SMC4: variants seen among roughly 807,000 people sequenced by gnomAD.
The protein encoded by SMC4 is structural maintenance of chromosomes protein 4.
In SMC4, 87 loss-of-function variants were observed where a neutral mutation model predicts 145.6. The ratio of observed to expected loss-of-function variants is 0.60; its 90% CI spans 0.50 to 0.71. The LOEUF (loss-of-function observed/expected upper bound fraction) is 0.71, where lower values mean the gene tolerates loss of function less well. Among genes scored for constraint, SMC4 ranks in the 30% least tolerant of loss-of-function variants. The probability of loss-of-function intolerance (pLI) is 0.00; values close to 1 mark genes in which losing one functional copy is unlikely to be tolerated. For missense variants in SMC4, 1,447 were observed against 1,537.1 expected (o/e 0.94, Z 0.98); for synonymous variants, 558 against 500.7 (o/e 1.11, Z -1.53).
Position 160,423,724 on chromosome 3 carries a change from A to T in SMC4, c.2246-37A>T, listed in dbSNP as rs367853626. On this transcript the variant is annotated intron_variant, in intron 14 of 23. Transcript: ENST00000357388. ...TTGACTTTATTTAATCTTGTTGGGG[A>T]GACATCTGAAGCTGACTTCTCTCCC... is the stretch of plus-strand genomic sequence containing the variant. The T allele has an allele frequency of 1.4e-5, 23 of 1,602,746 alleles. No individual in the cohort carries two copies. In the East Asian group the frequency reaches 5.1e-4, roughly 36 times the overall value.
chr3:160,430,535 A>T, intron 18 of SMC4, 64 bp from the exon 19 acceptor site: 1 of 1,344,166 alleles, frequency 7.4e-7, no homozygotes, highest in Non-Finnish European at 1.0e-6. Flanking sequence ...GTTCTTTAGT[A>T]GGTTTTCAGA....
chr3:160,426,508 T>G (rs1717809233), intron 17 of SMC4, among the ~76,000 whole-genome samples: 1 of 152,216 alleles, frequency 6.6e-6, no homozygotes, highest in Non-Finnish European at 1.5e-5. Context: ...AAGATAGTGG[T>G]TATAGATTTA....
At chr3:160,428,711 A>G (rs931540539) in intron 17 of SMC4, 42 bp from the exon 18 acceptor site, 13 of 1,524,174 alleles carry the variant, frequency 8.5e-6, no homozygotes, top group Non-Finnish European at 1.1e-5. Context: ...GATGTTCATT[A>G]GCATAAAAAC....
Position 160,417,928 on chromosome 3 carries a change from T to G in SMC4, c.1643T>G (p.Leu548Arg). The G allele has an allele frequency of 6.2e-7, 1 of 1,611,814 alleles. No homozygotes were observed. The highest frequency in any genetic ancestry group is 8.5e-7 in the Non-Finnish European group (1 of 1,179,154). Residue 548 changes from leucine to arginine, a missense_variant, in exon 11 of 24, where the codon CTC (leucine) becomes CGC (arginine). Transcript: ENST00000357388. ...GCAATCAGAGATATAGAAGGAAAAC[T>G]CCCTCAAACTGAACAAGAATTAAAG... ...KAAIRDIEGK[L>R]PQTEQELKEK...
In SMC4 at chr3:160,433,477, TA is replaced by T. The variant is rs1302640866; in HGVS notation, c.3715-179del. The T allele has an allele frequency of 2.7e-5, 15 of 553,780 alleles. No homozygotes were observed. The Admixed American group carries it at 3.3e-4, about 12-fold the overall frequency. The allele number at this position is 553,780 out of a possible 1,614,324, so 34.3% of individuals were successfully genotyped here. ...GGTCATCTTCCTAGATCTTTTCCACTAGAAGTCAAAATAACCAAATTCCTTT... is the reference window on the plus strand; with the variant it reads ...GGTCATCTTCCTAGATCTTTTCCACTGAAGTCAAAATAACCAAATTCCTTT... On this transcript the variant is annotated intron_variant, in intron 23 of 23. Coordinates refer to ENST00000357388, the MANE Select transcript of SMC4 (RefSeq NM_001002800.3).
chr3:160,422,242 G>A (rs1384484056), intron 13 of SMC4, among the ~76,000 whole-genome samples: 1 of 152,230 alleles, frequency 6.6e-6, no homozygotes, highest in Non-Finnish European at 1.5e-5. Flanking sequence ...GCTGGGTCAT[G>A]TGGTAATTCT....
chr3:160,410,751 C>G (rs1715896348), intron 5 of SMC4, among the ~76,000 whole-genome samples: 1 of 152,082 alleles, frequency 6.6e-6, no homozygotes, highest in Non-Finnish European at 1.5e-5. Context: ...TATGTTGAGG[C>G]TTTTGGTGAA....
chr3:160,412,610 C>A, intron 7 of SMC4, 157 bp downstream of exon 7: 1 of 1,256,788 alleles, frequency 8.0e-7, no homozygotes, highest in Non-Finnish European at 1.0e-6. Context: ...GCCTGTAATT[C>A]CAGCACTTTG....
chr3:160,406,202 A>G (rs933587095), intron 5 of SMC4, among the ~76,000 whole-genome samples: 5 of 152,178 alleles, frequency 3.3e-5, no homozygotes, highest in South Asian at 4.1e-4. Context: ...GATCTTTACA[A>G]TTGTTTAAAA....
At chr3:160,414,946 T>G (rs966980014) in intron 9 of SMC4, among the ~76,000 whole-genome samples, 41 of 152,226 alleles carry the variant, frequency 2.7e-4, no homozygotes, top group Admixed American at 1.3e-4. Flanking sequence ...TCCATTTTGG[T>G]GTTAATTTTA....
chr3:160,402,200 T>G, intron 3 of SMC4, 107 bp downstream of exon 3: 1 of 607,398 alleles, frequency 1.6e-6, no homozygotes, highest in Non-Finnish European at 2.7e-6. Context: ...ATTCATTCAC[T>G]CCCTATTTAT....
intron 5 of SMC4, among the ~76,000 whole-genome samples, chr3:160,404,989 A>G (rs1715160155): frequency 6.6e-6 from 1 of 151,982 alleles, no homozygotes; most frequent in Non-Finnish European, 1.5e-5. Flanking sequence ...TTGGTGTTTG[A>G]TTTACCTAAG....
intron 21 of SMC4, 105 bp downstream of exon 21, chr3:160,431,930 G>GA: frequency 8.3e-7 from 1 of 1,201,508 alleles, no homozygotes; most frequent in Non-Finnish European, 1.2e-6. Flanking sequence ...GGCCGGGCGT[G>GA]GTGGCTCACG....
intron 18 of SMC4, among the ~76,000 whole-genome samples, chr3:160,429,988 T>A (rs2108502521): frequency 6.6e-6 from 1 of 152,346 alleles, no homozygotes; most frequent in African/African-American, 2.4e-5. Flanking sequence ...GTGCTGGGAT[T>A]ACAGGCATGA....
Position 160,414,522 on chromosome 3 carries a change from G to A in SMC4, c.1272+5G>A, listed in dbSNP as rs777848908. 4 of 1,609,160 alleles carry A rather than the reference G, an allele frequency of 2.5e-6. No individual in the cohort carries two copies. The highest frequency in any genetic ancestry group is 1.7e-6 in the Non-Finnish European group (2 of 1,178,010). ...CTTCAAAAAGATAAAGAAAAGGTAG[G>A]TGTTAGAAAAAAATTCTTAAAATTT... On this transcript the variant is annotated splice_donor_5th_base_variant and intron_variant, in intron 9 of 23. Coordinates refer to ENST00000357388, the MANE Select transcript of SMC4 (RefSeq NM_001002800.3).
At chr3:160,430,004 C>T (rs564281222) in intron 18 of SMC4, among the ~76,000 whole-genome samples, 4 of 151,968 alleles carry the variant, frequency 2.6e-5, no homozygotes, top group African/African-American at 4.8e-5. Context: ...CATGAGCCAC[C>T]GCACCCGGCC....
chr3:160,412,234 T>G (rs1451548380), intron 6 of SMC4, 92 bp from the exon 7 acceptor site: 6 of 1,435,808 alleles, frequency 4.2e-6, no homozygotes, highest in Non-Finnish European at 5.7e-6. Flanking sequence ...ACATTCTCCT[T>G]ATTAACTGTT....
chr3:160,431,640 T>C lies in SMC4; in HGVS notation c.3115-3T>C, dbSNP rs751991887. 7 of 1,572,048 alleles carry C rather than the reference T, an allele frequency of 4.5e-6. No homozygotes were observed. In the East Asian group the frequency reaches 1.1e-4, roughly 26 times the overall value. ...CTAACTCTCCCCTAAATTGAACTTT[T>C]AGATTTCAAAAATATCACTGCATCC... On this transcript the variant is annotated splice_polypyrimidine_tract_variant and splice_region_variant and intron_variant, in intron 20 of 23. Transcript: ENST00000357388.
intron 9 of SMC4, 119 bp from the exon 10 acceptor site, chr3:160,416,132 C>G: frequency 1.7e-6 from 1 of 575,694 alleles, no homozygotes; most frequent in South Asian, 5.5e-5. Flanking sequence ...TAATTTAACT[C>G]TGATTATAAA....
Sources: gnomAD v4.1 joint callset for allele counts (sites outside exome capture counted in the v4.1 genomes callset) on GRCh38, gnomAD v4.1.1 for gene constraint, MANE v1.5 for transcripts, NCBI Gene and HGNC (gene_info 2026-07-23, HGNC 2026-07-21) for gene names.